Variants in ADAMTSL3 observed in about 807,000 individuals in gnomAD.
ADAMTSL3 encodes the protein ADAMTS like 3.
A neutral mutation model predicts 201.7 loss-of-function variants in ADAMTSL3; 128 were observed. That is an observed-to-expected ratio of 0.63 (90% confidence interval 0.55 to 0.73). ADAMTSL3 has a LOEUF of 0.73. ADAMTSL3 is among the 30% of genes least tolerant of loss of function. The pLI, the probability that ADAMTSL3 is intolerant of heterozygous loss-of-function variation, is 0.00. For missense variants in ADAMTSL3, 1,990 were observed against 2,119.6 expected (o/e 0.94, Z 1.20); for synonymous variants, 738 against 748.4 (o/e 0.99, Z 0.23).
intron 19 of ADAMTSL3, among the ~76,000 whole-genome samples, chr15:83,958,259 CTCCAGAGTGTGATTGGT>C (rs1359025226): frequency 6.6e-6 from 1 of 152,162 alleles, no homozygotes; most frequent in African/African-American, 2.4e-5. Context: ...TGAGGAAGGA[CTCCAGAGTGTGATTGGT>C]TCCAGAGTGT....
chr15:83,874,916 G>A (rs7177951), intron 9 of ADAMTSL3, among the ~76,000 whole-genome samples: 8,034 of 145,356 alleles, frequency 0.055, 1,300 homozygotes, highest in East Asian at 0.29. Context: ...CCCGGTAGGC[G>A]TTTGTCTTTC....
chr15:83,852,389 C>T (rs1333191645), intron 7 of ADAMTSL3, among the ~76,000 whole-genome samples: 4 of 152,190 alleles, frequency 2.6e-5, no homozygotes, highest in East Asian at 1.9e-4. Context: ...GCTGGGATTA[C>T]AGGCGTGAGC....
chr15:83,670,192 A>G (rs2061311657), intron 2 of ADAMTSL3, among the ~76,000 whole-genome samples: 1 of 136,144 alleles, frequency 7.3e-6, no homozygotes, highest in South Asian at 2.5e-4. Flanking sequence ...TGGGAGGCAG[A>G]GGTTGCAGTG....
intron 6 of ADAMTSL3, among the ~76,000 whole-genome samples, chr15:83,822,109 G>A (rs1245049691): frequency 4.1e-5 from 6 of 147,644 alleles, no homozygotes; most frequent in South Asian, 2.2e-4. Context: ...CGGACGGGGC[G>A]CCTGGCCGGG....
At chr15:83,992,845 C>T (rs2067605570) in intron 23 of ADAMTSL3, among the ~76,000 whole-genome samples, 1 of 152,228 alleles carries the variant, frequency 6.6e-6, no homozygotes, top group African/African-American at 2.4e-5. Flanking sequence ...CCACAGCCCT[C>T]CTGCCCTGTG....
chr15:83,981,455 A>T (rs1371230696), intron 20 of ADAMTSL3, among the ~76,000 whole-genome samples: 2 of 152,234 alleles, frequency 1.3e-5, no homozygotes, highest in African/African-American at 4.8e-5. Context: ...TGTGCCCGCT[A>T]CTGTGCTGTG....
intron 20 of ADAMTSL3, among the ~76,000 whole-genome samples, chr15:83,972,835 G>C (rs1000954478): frequency 1.3e-5 from 2 of 152,052 alleles, no homozygotes; most frequent in African/African-American, 4.8e-5. Flanking sequence ...GCCCTTGCTT[G>C]CTGAAATGTA....
At chr15:83,823,966 T>A (rs200279852) in intron 6 of ADAMTSL3, among the ~76,000 whole-genome samples, 1 of 64,880 alleles carries the variant, frequency 1.5e-5, no homozygotes, top group Non-Finnish European at 3.6e-5. Context: ...TTCTTCTTCT[T>A]CTTCTTCTCC....
At chr15:84,032,670 A>G (rs2068430706) in intron 28 of ADAMTSL3, among the ~76,000 whole-genome samples, 1 of 152,206 alleles carries the variant, frequency 6.6e-6, no homozygotes, top group South Asian at 2.1e-4. Context: ...GATTAACTTT[A>G]TTCTTTTTAA....
intron 17 of ADAMTSL3, among the ~76,000 whole-genome samples, chr15:83,924,337 G>A (rs1327652457): frequency 2.0e-5 from 3 of 152,166 alleles, no homozygotes; most frequent in Non-Finnish European, 4.4e-5. Flanking sequence ...TCTCCTCCCT[G>A]TTTCCTCCAG....
chr15:84,037,790 C>A lies in ADAMTSL3; in HGVS notation c.5060C>A (p.Ser1687Ter). 1 of 1,613,766 alleles carries A rather than the reference C, an allele frequency of 6.2e-7. No homozygotes were observed. Among genetic ancestry groups the A allele is most frequent in the Non-Finnish European group, 8.5e-7 (1 of 1,179,942 alleles). The part of the protein sequence containing the change: ...LDRYKQRCCQ[S>*]CQEG ...CGCTACAAACAAAGGTGCTGCCAGT[C>A]ATGTCAAGAGGGATAAACCTTTGGA... is the stretch of plus-strand genomic sequence containing the variant. The change falls in exon 30 of 30, where the codon TCA becomes TAA. Residue 1687 changes from serine to a stop codon, truncating the protein, a stop_gained. Transcript: ENST00000286744. LOFTEE classifies it high-confidence loss of function.
chr15:84,032,832 G>C (rs185719819), intron 28 of ADAMTSL3, among the ~76,000 whole-genome samples: 68 of 152,248 alleles, frequency 4.5e-4, no homozygotes, highest in Non-Finnish European at 1.3e-4. Flanking sequence ...TGGGTACAAA[G>C]GGTAATATTT....
chr15:83,682,114 G>T (rs1450726878), intron 2 of ADAMTSL3, among the ~76,000 whole-genome samples: 2 of 152,114 alleles, frequency 1.3e-5, no homozygotes, highest in African/African-American at 4.8e-5. Context: ...CTGAATGCTG[G>T]CATCTTGACT....
chr15:83,828,477 G>A (rs1163379804), intron 6 of ADAMTSL3, among the ~76,000 whole-genome samples: 1 of 152,176 alleles, frequency 6.6e-6, no homozygotes, highest in Non-Finnish European at 1.5e-5. Flanking sequence ...TGCAGACAGG[G>A]ACAATTTGAC....
At chr15:83,681,510 C>T (rs2061475336) in intron 2 of ADAMTSL3, among the ~76,000 whole-genome samples, 1 of 152,196 alleles carries the variant, frequency 6.6e-6, no homozygotes, top group Admixed American at 6.5e-5. Context: ...CCTAGAAATT[C>T]ATCTTTAAGG....
At chr15:83,839,019 G>C (rs577460031) in intron 7 of ADAMTSL3, among the ~76,000 whole-genome samples, 135 of 152,236 alleles carry the variant, frequency 8.9e-4, no homozygotes, top group Non-Finnish European at 1.5e-3. Context: ...GCTGAATTTG[G>C]CCTTTAGGTT....
chr15:83,723,140 A>T (rs1349060456), intron 3 of ADAMTSL3, among the ~76,000 whole-genome samples: 1 of 152,218 alleles, frequency 6.6e-6, no homozygotes, highest in Non-Finnish European at 1.5e-5. Context: ...AGGTAAAGGA[A>T]AATACTTTAC....
At chr15:83,736,923 A>T (rs1458794247) in intron 3 of ADAMTSL3, among the ~76,000 whole-genome samples, 1 of 152,230 alleles carries the variant, frequency 6.6e-6, no homozygotes, top group Non-Finnish European at 1.5e-5. Context: ...GAAGACAACC[A>T]AGACACAATA....
chr15:83,894,304 T>G (rs1243411113), intron 13 of ADAMTSL3, among the ~76,000 whole-genome samples: 1 of 152,232 alleles, frequency 6.6e-6, no homozygotes, highest in Non-Finnish European at 1.5e-5. Flanking sequence ...AAGTTACCAA[T>G]TAATTTTTGG....
Sources: gnomAD v4.1 joint callset for allele counts (sites outside exome capture counted in the v4.1 genomes callset) on GRCh38, gnomAD v4.1.1 for gene constraint, MANE v1.5 for transcripts, NCBI Gene and HGNC (gene_info 2026-07-23, HGNC 2026-07-21) for gene names.